CCAR2: variants seen among roughly 807,000 people sequenced by gnomAD.
CCAR2 encodes the protein cell cycle and apoptosis regulator protein 2.
CCAR2 carries 21 observed loss-of-function variants against 108.1 expected under a neutral mutation model. That is an observed-to-expected ratio of 0.19 (90% CI 0.14 to 0.28). The LOEUF is 0.28. Among genes scored for constraint, CCAR2 ranks in the 10% least tolerant of loss-of-function variants. The probability of loss-of-function intolerance (pLI) is 1.00; values close to 1 mark genes in which losing one functional copy is unlikely to be tolerated. For missense variants in CCAR2, 1,126 were observed against 1,177.0 expected (o/e 0.96, Z 0.63); for synonymous variants, 577 against 472.8 (o/e 1.22, Z -2.86).
chr8:22,606,786 C>T, intron 4 of CCAR2, 88 bp downstream of exon 4: 7 of 1,451,308 alleles, frequency 4.8e-6, no homozygotes, highest in Admixed American at 1.8e-5. Flanking sequence ...GCCTCAAAGC[C>T]ATTGCTTTGC....
chr8:22,616,883 TTTTTTTTTTTTTTG>T (rs1220805856), intron 14 of CCAR2, among the ~76,000 whole-genome samples: 35 of 64,724 alleles, frequency 5.4e-4, no homozygotes, highest in African/African-American at 9.2e-4. Context: ...TTTTTTTTTT[TTTTTTTTTTTTTTG>T]GGGAGATGGA....
At chr8:22,605,084 C>T (rs1321383715) in intron 1 of CCAR2, 3 of 241,110 alleles carry the variant, frequency 1.2e-5, no homozygotes, top group Non-Finnish European at 2.5e-5. Context: ...CTGGGAGACC[C>T]GGCGCTGGCG....
chr8:22,608,000 T>G lies in CCAR2; in HGVS notation c.519T>G (p.Leu173=), dbSNP rs147457641. ...PLSLFQTSHT[L]HLSHLNRFPA... is the part of the protein sequence containing the mutation. The stretch of plus-strand genomic sequence containing the variant: ...GTCTCTTCCAAACATCCCACACACT[T>G]CACCTGAGCCACCTGAACAGATTTC... Residue 173 remains leucine, a synonymous_variant, in exon 7 of 21, where the codon CTT becomes CTG. Coordinates refer to ENST00000308511, the MANE Select transcript of CCAR2 (RefSeq NM_001393997.1). 2.3e-3 allele frequency: 3,774 copies of G among 1,613,982 alleles called. 9 individuals are homozygous for G. Among genetic ancestry groups the G allele is most frequent in the Non-Finnish European group, 2.6e-3 (3,092 of 1,179,946 alleles).
Position 22,604,778 on chromosome 8 carries a change from G to GGCA in CCAR2, c.-97_-95dup, listed in dbSNP as rs1286428960. 2.2e-5 allele frequency: 10 copies of GGCA among 455,952 alleles called. No individual in the cohort carries two copies. The Admixed American group carries it at 2.3e-4, about 11-fold the overall frequency. The allele number at this position is 455,952 out of a possible 1,614,324, so 28.2% of individuals were successfully genotyped here. A position where few individuals can be genotyped will look rare whatever the true frequency, so the allele number is the denominator to read the frequency against. On this transcript the variant is annotated 5_prime_UTR_variant, in exon 1 of 21. Coordinates refer to ENST00000308511, the MANE Select transcript of CCAR2 (RefSeq NM_001393997.1). The stretch of plus-strand genomic sequence containing the variant: ...CCGGAGAGGCGCTTCCGGTGGCGGC[G>GGCA]GCAGCAGCGGCTGTGGTGGTTCCGG...
At chr8:22,616,854 A>G (rs1801532399) in intron 14 of CCAR2, among the ~76,000 whole-genome samples, 1 of 147,886 alleles carries the variant, frequency 6.8e-6, no homozygotes, top group Admixed American at 6.7e-5. Context: ...CCTTTTCTAA[A>G]ATACTAGTCT....
intron 8 of CCAR2, 110 bp from the exon 9 acceptor site, chr8:22,613,982 A>G (rs764290754): frequency 4.5e-5 from 43 of 951,154 alleles, no homozygotes; most frequent in Non-Finnish European, 6.4e-5. Context: ...CCTTACTTCA[A>G]AAGTTCTCAG....
Position 22,619,700 on chromosome 8 carries a change from G to T in CCAR2, c.*18G>T, listed in dbSNP as rs199529789. The T allele has an allele frequency of 4.5e-6, 7 of 1,561,198 alleles. No homozygotes were observed. The highest frequency in any genetic ancestry group is 6.1e-6 in the Non-Finnish European group (7 of 1,152,638). On this transcript the variant is annotated 3_prime_UTR_variant, in exon 21 of 21. Transcript: ENST00000308511. ...GCAACTGACGGCCTCGCACGGAACT[G>T]CCATCCTGTGAGGGCAGCGGTGGCG...
Position 22,615,210 on chromosome 8 carries a change from T to G in CCAR2, c.1205+209T>G, listed in dbSNP as rs897276672. ...CACTTGAGACTCCCTGGAGTTGTCC[T>G]TGCACCTTGTAGGGTGCTTGTGTGG... is the stretch of plus-strand genomic sequence containing the variant. On this transcript the variant is annotated intron_variant, in intron 11 of 20. Transcript: ENST00000308511. 27 of 864,126 alleles carry G rather than the reference T, an allele frequency of 3.1e-5. No homozygotes were observed. The African/African-American group carries it at 3.6e-4, about 11-fold the overall frequency. The allele number at this position is 864,126 out of a possible 1,614,324, so 53.5% of individuals were successfully genotyped here.
At chr8:22,607,364 G>C (rs536994047) in intron 6 of CCAR2, 39 bp downstream of exon 6, 1 of 1,602,392 alleles carries the variant, frequency 6.2e-7, no homozygotes, top group Admixed American at 1.7e-5. Flanking sequence ...GTGGCATTAT[G>C]GGGTAGTTTA....
At chr8:22,617,848 T>G in intron 16 of CCAR2, 70 bp downstream of exon 16, 1 of 1,496,864 alleles carries the variant, frequency 6.7e-7, no homozygotes, top group Non-Finnish European at 9.3e-7. Flanking sequence ...GGCCCACTCC[T>G]GGGAGAAGGA....
intron 6 of CCAR2, among the ~76,000 whole-genome samples, chr8:22,607,746 T>G (rs1251292807): frequency 6.6e-6 from 1 of 152,134 alleles, no homozygotes; most frequent in African/African-American, 2.4e-5. Context: ...TGCCTCAGCC[T>G]CCTGAGTAGC....
chr8:22,612,491 C>T (rs573484551), intron 7 of CCAR2, among the ~76,000 whole-genome samples: 2 of 152,082 alleles, frequency 1.3e-5, no homozygotes, highest in South Asian at 4.2e-4. Flanking sequence ...TGGTCTCGAT[C>T]TCTTGACCTC....
downstream of CCAR2, chr8:22,620,787 G>A (rs542759371): frequency 6.6e-6 from 1 of 152,378 alleles, no homozygotes; most frequent in East Asian, 1.9e-4. Context: ...CACTGTTCCT[G>A]CTTTGAGACC....
rs1166319941 is a variant in CCAR2, at chr8:22,616,006, C to G, written c.1609-6C>G. On this transcript the variant is annotated splice_region_variant and splice_polypyrimidine_tract_variant and intron_variant, in intron 13 of 20. Coordinates refer to ENST00000308511, the MANE Select transcript of CCAR2 (RefSeq NM_001393997.1). ...ATGCTCATGGACCCTCCCACCTCCC[C>G]ATCAGGTGATGGTGCTGGCCGAGCT... The G allele has an allele frequency of 1.9e-6, 3 of 1,613,882 alleles. No homozygotes were observed. The South Asian group carries it at 3.3e-5, about 18-fold the overall frequency.
In CCAR2 at chr8:22,619,023, C is replaced by T. The variant is rs374620335; in HGVS notation, c.2521+8C>T. ...CACTGGAGCTGAAGCTGGGTGAGGGCCTGGGGCTGCAGCCACCATGGGGTC... is the reference window on the plus strand; with the variant it reads ...CACTGGAGCTGAAGCTGGGTGAGGGTCTGGGGCTGCAGCCACCATGGGGTC... On this transcript the variant is annotated splice_region_variant and intron_variant, in intron 19 of 20. Coordinates refer to ENST00000308511, the MANE Select transcript of CCAR2 (RefSeq NM_001393997.1). The T allele has an allele frequency of 6.2e-7, 1 of 1,611,694 alleles. No homozygotes were observed. The highest frequency in any genetic ancestry group is 1.1e-5 in the South Asian group (1 of 90,812).
chr8:22,609,517 C>G (rs184074609), intron 7 of CCAR2, among the ~76,000 whole-genome samples: 8 of 152,256 alleles, frequency 5.3e-5, no homozygotes, highest in Admixed American at 2.6e-4. Flanking sequence ...CTGCTTGAAA[C>G]CCTGTGTCCC....
chr8:22,615,978 C>T (rs1382497906), intron 13 of CCAR2, 34 bp from the exon 14 acceptor site: 1 of 1,612,942 alleles, frequency 6.2e-7, no homozygotes, highest in Non-Finnish European at 8.5e-7. Context: ...GTCTTTCTTC[C>T]TGATGCTCAT....
At position 22,614,110 on chromosome 8, in the gene CCAR2, A is replaced by G; in HGVS notation, c.723A>G (p.Leu241=). Residue 241 remains leucine, a synonymous_variant, in exon 9 of 21, where the codon CTA becomes CTG. Coordinates refer to ENST00000308511, the MANE Select transcript of CCAR2 (RefSeq NM_001393997.1). ...CCTGTAGCCCCATCTGTGACTTCCTAGAACTCCAGCGCCGTTACCGCAGCC... is the reference window on the plus strand; with the variant it reads ...CCTGTAGCCCCATCTGTGACTTCCTGGAACTCCAGCGCCGTTACCGCAGCC... ...YTVDSPICDF[L]ELQRRYRSLL... 2 of 1,613,898 alleles carry G rather than the reference A, an allele frequency of 1.2e-6. No homozygotes were observed. Among genetic ancestry groups the G allele is most frequent in the Non-Finnish European group, 8.5e-7 (1 of 1,180,002 alleles).
intron 20 of CCAR2, 23 bp downstream of exon 20, chr8:22,619,378 GGCAGCACA>G: frequency 6.5e-7 from 1 of 1,550,018 alleles, no homozygotes; most frequent in Non-Finnish European, 8.7e-7. Context: ...TGGACCAGGA[GGCAGCACA>G]GCTCCTTTCC....
Sources: allele counts gnomAD v4.1 joint callset (sites outside exome capture counted in the v4.1 genomes callset), GRCh38; gene constraint gnomAD v4.1.1; transcripts MANE v1.5; gene names NCBI Gene and HGNC (gene_info 2026-07-23, HGNC 2026-07-21).